Variants in ADAMTSL1 observed in about 807,000 individuals in gnomAD.
The protein encoded by ADAMTSL1 is ADAMTS-like protein 1.
A neutral mutation model predicts 201.8 loss-of-function variants in ADAMTSL1; 126 were observed. That is an observed-to-expected ratio of 0.62 (90% CI 0.54 to 0.72). The LOEUF (loss-of-function observed/expected upper bound fraction) is 0.72. ADAMTSL1 is among the 30% of genes least tolerant of loss of function. The pLI is 0.00. For synonymous variants in ADAMTSL1, 1,121 were observed against 903.4 expected, an observed-to-expected ratio of 1.24 and a Z score of -4.32; for missense variants, 2,679 against 2,277.8, an observed-to-expected ratio of 1.18 and a Z score of -3.59.
chr9:18,381,865 C>T (rs1837574690), intron 2 of ADAMTSL1, among the ~76,000 whole-genome samples: 1 of 151,974 alleles, frequency 6.6e-6, no homozygotes, highest in Non-Finnish European at 1.5e-5. Flanking sequence ...TTAAAGACAG[C>T]CAAGGGATGA....
chr9:18,223,269 G>A (rs969959994), intron 2 of ADAMTSL1, among the ~76,000 whole-genome samples: 1 of 151,982 alleles, frequency 6.6e-6, no homozygotes, highest in African/African-American at 2.4e-5. Flanking sequence ...TTTCAGATTT[G>A]GGGGTTTCAG....
intron 19 of ADAMTSL1, among the ~76,000 whole-genome samples, chr9:18,778,814 C>T (rs1428658483): frequency 6.6e-6 from 1 of 152,182 alleles, no homozygotes; most frequent in African/African-American, 2.4e-5. Flanking sequence ...TATTATGTGG[C>T]AGAGCTACGA....
chr9:18,376,977 C>G (rs1837323879), intron 2 of ADAMTSL1, among the ~76,000 whole-genome samples: 1 of 152,160 alleles, frequency 6.6e-6, no homozygotes, highest in African/African-American at 2.4e-5. Flanking sequence ...CAAACATTAT[C>G]ATAGAAATTT....
intron 5 of ADAMTSL1, among the ~76,000 whole-genome samples, chr9:18,623,182 A>C (rs1459736817): frequency 6.6e-6 from 1 of 151,940 alleles, no homozygotes; most frequent in African/African-American, 2.4e-5. Flanking sequence ...GGCATGAGCC[A>C]CTGTGCCCAG....
intron 2 of ADAMTSL1, among the ~76,000 whole-genome samples, chr9:18,183,924 C>T (rs962562645): frequency 3.9e-5 from 6 of 152,040 alleles, no homozygotes; most frequent in Admixed American, 6.6e-5. Context: ...AATTAAATAC[C>T]GTGACTAGGG....
chr9:18,894,151 A>G (rs1230527925), intron 26 of ADAMTSL1, among the ~76,000 whole-genome samples: 1 of 152,236 alleles, frequency 6.6e-6, no homozygotes, highest in African/African-American at 2.4e-5. Flanking sequence ...AAGTGCAACT[A>G]CAAAGATTTT....
chr9:18,662,306 A>G (rs1829147807), intron 9 of ADAMTSL1, among the ~76,000 whole-genome samples: 1 of 152,202 alleles, frequency 6.6e-6, no homozygotes, highest in Admixed American at 6.5e-5. Flanking sequence ...GCAGCAGGTG[A>G]CATGCTCTTC....
chr9:18,033,132 G>A (rs939519775), intron 1 of ADAMTSL1, among the ~76,000 whole-genome samples: 1 of 152,146 alleles, frequency 6.6e-6, no homozygotes, highest in African/African-American at 2.4e-5. Flanking sequence ...CTCATAGCGT[G>A]TGATAAATAG....
intron 1 of ADAMTSL1, among the ~76,000 whole-genome samples, chr9:18,046,940 G>A (rs1160784649): frequency 6.6e-6 from 1 of 152,104 alleles, no homozygotes; most frequent in East Asian, 1.9e-4. Context: ...TGTCAGCAAT[G>A]GAACTGAAGA....
At chr9:17,913,940 C>T (rs375678158) in intron 1 of ADAMTSL1, among the ~76,000 whole-genome samples, 3 of 152,132 alleles carry the variant, frequency 2.0e-5, no homozygotes, top group Non-Finnish European at 2.9e-5. Flanking sequence ...ATAAATTCCT[C>T]GACACATACA....
intron 7 of ADAMTSL1, among the ~76,000 whole-genome samples, chr9:18,647,685 A>T (rs2132877274): frequency 6.6e-6 from 1 of 150,668 alleles, no homozygotes; most frequent in Admixed American, 6.6e-5. Flanking sequence ...GTTTCCATGT[A>T]GTTGAGTGGT....
At chr9:18,008,802 C>A (rs1819938006) in intron 1 of ADAMTSL1, among the ~76,000 whole-genome samples, 1 of 152,010 alleles carries the variant, frequency 6.6e-6, no homozygotes, top group Non-Finnish European at 1.5e-5. Flanking sequence ...GATGACAACA[C>A]TTTAACTACC....
intron 1 of ADAMTSL1, among the ~76,000 whole-genome samples, chr9:17,922,087 C>CTTTT (rs33961485): frequency 6.9e-6 from 1 of 144,688 alleles, no homozygotes; most frequent in African/African-American, 2.5e-5. Context: ...GCAGTTCAGG[C>CTTTT]TTTTTTTTTT....
chr9:18,895,715 C>T (rs1239019484), intron 26 of ADAMTSL1, among the ~76,000 whole-genome samples: 1 of 152,174 alleles, frequency 6.6e-6, no homozygotes, highest in Non-Finnish European at 1.5e-5. Flanking sequence ...GATTACTATG[C>T]TCAGAGTATA....
At chr9:18,203,104 A>C (rs745366429) in intron 2 of ADAMTSL1, among the ~76,000 whole-genome samples, 2 of 152,046 alleles carry the variant, frequency 1.3e-5, no homozygotes, top group Non-Finnish European at 2.9e-5. Context: ...TTTGATCCCA[A>C]AGCTGTCCAT....
At chr9:18,685,647 G>A (rs926415856) in intron 13 of ADAMTSL1, among the ~76,000 whole-genome samples, 1 of 152,168 alleles carries the variant, frequency 6.6e-6, no homozygotes. Context: ...GTTAATAGTG[G>A]AGCATGTAGG....
intron 2 of ADAMTSL1, among the ~76,000 whole-genome samples, chr9:18,454,711 T>C (rs777351416): frequency 4.6e-5 from 7 of 152,218 alleles, no homozygotes; most frequent in African/African-American, 7.2e-5. Context: ...GTTTATATTA[T>C]TCCACCTTTT....
rs974005505 is a variant in ADAMTSL1, at chr9:18,867,885, C to G, written c.4250-19946C>G. On this transcript the variant is annotated intron_variant, in intron 23 of 28. Transcript: ENST00000380548. The stretch of plus-strand genomic sequence containing the variant: ...TCGTGATCCACCCACCTCTGCCTCC[C>G]AAAGTGCTGGGATTACAGGCGTGAG... 8.5e-5 allele frequency among the ~76,000 whole-genome samples: 13 copies of G among 152,126 alleles called. 1 individual carries two copies. Among genetic ancestry groups the G allele is most frequent in the African/African-American group, 3.1e-4 (13 of 41,418 alleles).
chr9:18,085,560 T>G (rs1200104011), intron 1 of ADAMTSL1, among the ~76,000 whole-genome samples: 1 of 148,400 alleles, frequency 6.7e-6, no homozygotes, highest in Admixed American at 6.7e-5. Flanking sequence ...ATACACACTG[T>G]GTGTATACAT....
Sources: allele counts gnomAD v4.1 joint callset (sites outside exome capture counted in the v4.1 genomes callset), GRCh38; gene constraint gnomAD v4.1.1; transcripts MANE v1.5; gene names NCBI Gene and HGNC (gene_info 2026-07-23, HGNC 2026-07-21).